Variants in USP48 observed in about 807,000 individuals in gnomAD.
The protein encoded by USP48 is ubiquitin carboxyl-terminal hydrolase 48.
Under a neutral mutation model 150.7 loss-of-function variants are expected in USP48, and 43 were observed. The observed-to-expected ratio is 0.29, with a 90% confidence interval of 0.22 to 0.37. USP48 has a LOEUF of 0.37. USP48 is among the 10% of genes least tolerant of loss of function. USP48 has a pLI of 1.00. For synonymous variants in USP48, 396 were observed against 425.9 expected (o/e 0.93, Z 0.86); for missense variants, 813 against 1,249.6 (o/e 0.65, Z 5.27).
chr1:21,756,101 G>A (rs1332072252), intron 3 of USP48, among the ~76,000 whole-genome samples: 1 of 151,734 alleles, frequency 6.6e-6, no homozygotes, highest in African/African-American at 2.4e-5. Flanking sequence ...AGAGGCGGAG[G>A]TTGTGGTGAA....
intron 15 of USP48, among the ~76,000 whole-genome samples, chr1:21,708,141 C>A (rs934919907): frequency 6.6e-6 from 1 of 151,862 alleles, no homozygotes; most frequent in Non-Finnish European, 1.5e-5. Flanking sequence ...CTGGCCTGGG[C>A]AACAGAGAGA....
rs1173387315 is a variant in USP48, at chr1:21,683,635, G to A, written c.3059-2801C>T. 3.9e-5 allele frequency among the ~76,000 whole-genome samples: 6 copies of A among 152,262 alleles called. 1 individual carries two copies. The South Asian group carries it at 8.3e-4, about 21-fold the overall frequency. On this transcript the variant is annotated intron_variant, in intron 25 of 26. Transcript: ENST00000308271. ...CTCTTGGGTTCAAGTGATCCACTGCGCCCGGCCTATCATTTCTTTGTGTTG... is the reference window on the plus strand; with the variant it reads ...CTCTTGGGTTCAAGTGATCCACTGCACCCGGCCTATCATTTCTTTGTGTTG...
At chr1:21,697,400 A>G (rs2097638178) in intron 22 of USP48, among the ~76,000 whole-genome samples, 1 of 152,150 alleles carries the variant, frequency 6.6e-6, no homozygotes, top group Admixed American at 6.5e-5. Flanking sequence ...GTGGTGGCTC[A>G]TGCCTGTAAT....
chr1:21,697,539 T>G (rs1393297376), intron 22 of USP48, among the ~76,000 whole-genome samples: 1 of 151,390 alleles, frequency 6.6e-6, no homozygotes, highest in African/African-American at 2.4e-5. Context: ...GGTGGGCGCC[T>G]GTAGTCCCAG....
intron 8 of USP48, among the ~76,000 whole-genome samples, chr1:21,743,310 C>CA (rs1222959935): frequency 6.6e-6 from 1 of 152,176 alleles, no homozygotes; most frequent in Non-Finnish European, 1.5e-5. Flanking sequence ...TTCTCAGAAA[C>CA]ACAAGAGTGT....
intron 12 of USP48, 21 bp downstream of exon 12, chr1:21,723,877 A>G (rs2097728988): frequency 1.2e-6 from 2 of 1,600,088 alleles, no homozygotes; most frequent in South Asian, 2.2e-5. Flanking sequence ...TTTTTTAAAC[A>G]GAGAGGACAT....
chr1:21,695,212 C>T lies in USP48; in HGVS notation c.2737G>A (p.Gly913Arg), dbSNP rs756811769. 1.2e-6 allele frequency: 2 copies of T among 1,610,060 alleles called. No individual in the cohort carries two copies. The highest frequency in any genetic ancestry group is 1.7e-6 in the Non-Finnish European group (2 of 1,178,672). ...TGGGATATCTTTTGCCGCTTTGTTC[C>T]ACCATTGCTCTATAATGAAGATTGG... is the stretch of plus-strand genomic sequence containing the variant. Reference protein sequence around the residue: ...KDPDFNQSNGGTKRQKISHQN... With the variant: ...KDPDFNQSNGRTKRQKISHQN... Residue 913 changes from glycine to arginine, a missense_variant, in exon 23 of 27, where the codon GGA becomes AGA. Coordinates refer to ENST00000308271, the MANE Select transcript of USP48 (RefSeq NM_032236.8).
intron 5 of USP48, among the ~76,000 whole-genome samples, chr1:21,752,016 CAAAAAAA>C (rs943113295): frequency 1.4e-4 from 9 of 63,508 alleles, no homozygotes; most frequent in African/African-American, 4.1e-4. Flanking sequence ...GAGTCCATCT[CAAAAAAA>C]AAAAAAAAAA....
intron 10 of USP48, among the ~76,000 whole-genome samples, chr1:21,729,170 C>G (rs989786736): frequency 6.6e-6 from 1 of 151,904 alleles, no homozygotes; most frequent in Non-Finnish European, 1.5e-5. Flanking sequence ...GTAATCCCAG[C>G]TACTCGGGAG....
intron 19 of USP48, among the ~76,000 whole-genome samples, chr1:21,705,346 C>T (rs534844488): frequency 2.6e-5 from 4 of 152,122 alleles, no homozygotes; most frequent in Non-Finnish European, 5.9e-5. Flanking sequence ...GCTCTGCCAC[C>T]CTGCTAGCCT....
intron 1 of USP48, among the ~76,000 whole-genome samples, chr1:21,782,243 A>C (rs2097916477): frequency 6.6e-6 from 1 of 152,214 alleles, no homozygotes; most frequent in Non-Finnish European, 1.5e-5. Context: ...CGTGAAGGAC[A>C]GCACTATCAC....
chr1:21,750,845 G>A (rs1428241020), intron 6 of USP48, among the ~76,000 whole-genome samples: 1 of 150,772 alleles, frequency 6.6e-6, no homozygotes, highest in Non-Finnish European at 1.5e-5. Context: ...TTGTGCCATT[G>A]CATTCCAGCC....
chr1:21,742,185 C>T (rs959178009), intron 8 of USP48, among the ~76,000 whole-genome samples: 3 of 152,112 alleles, frequency 2.0e-5, no homozygotes, highest in Non-Finnish European at 4.4e-5. Flanking sequence ...GCACTCTCCC[C>T]GTTACTTCAT....
Position 21,679,277 on chromosome 1 carries a change from T to A in USP48, c.*140A>T. ...ATTTGACATAAGGCATTTGGGACAG[T>A]CACGTTTGAATGGATTTCTGCCTTT... On this transcript the variant is annotated 3_prime_UTR_variant, in exon 27 of 27. Transcript: ENST00000308271. 9.7e-7 allele frequency: 1 copy of A among 1,030,862 alleles called. No homozygotes were observed. The highest frequency in any genetic ancestry group is 1.5e-6 in the Non-Finnish European group (1 of 664,460). The allele number at this position is 1,030,862 out of a possible 1,614,324, so 63.9% of individuals were successfully genotyped here.
chr1:21,733,358 A>T (rs2152560468), intron 9 of USP48, among the ~76,000 whole-genome samples: 1 of 152,244 alleles, frequency 6.6e-6, no homozygotes, highest in African/African-American at 2.4e-5. Context: ...TGGAAGTTGT[A>T]GTGAGCCGAG....
At chr1:21,779,728 G>T (rs2097909863) in intron 1 of USP48, among the ~76,000 whole-genome samples, 1 of 152,056 alleles carries the variant, frequency 6.6e-6, no homozygotes, top group Non-Finnish European at 1.5e-5. Flanking sequence ...ATCAGCAGAT[G>T]AATGCAAATT....
intron 11 of USP48, chr1:21,724,387 A>G (rs917931724): frequency 1.7e-6 from 1 of 572,470 alleles, no homozygotes; most frequent in Non-Finnish European, 3.1e-6. Context: ...AGTCTTGCCG[A>G]ATAGCACAGC....
chr1:21,756,841 T>C, intron 2 of USP48, 139 bp from the exon 3 acceptor site: 1 of 1,429,020 alleles, frequency 7.0e-7, no homozygotes, highest in Non-Finnish European at 9.1e-7. Flanking sequence ...TAAGTTTCTC[T>C]TGGCTGGAGG....
intron 1 of USP48, among the ~76,000 whole-genome samples, chr1:21,768,034 C>T (rs547429747): frequency 2.0e-5 from 3 of 152,044 alleles, no homozygotes; most frequent in South Asian, 2.1e-4. Context: ...GGTGAAACCC[C>T]GTCTCTACTA....
Sources: gnomAD v4.1 joint callset for allele counts (sites outside exome capture counted in the v4.1 genomes callset) on GRCh38, gnomAD v4.1.1 for gene constraint, MANE v1.5 for transcripts, NCBI Gene and HGNC (gene_info 2026-07-23, HGNC 2026-07-21) for gene names.